Variants in PSG2 observed in about 807,000 individuals in gnomAD.
PSG2 encodes the protein pregnancy specific beta-1-glycoprotein 2.
Under a neutral mutation model 36.2 loss-of-function variants are expected in PSG2, and 49 were observed. That is an observed-to-expected ratio of 1.35 (90% confidence interval 1.08 to 1.72). The LOEUF is 1.72. Among genes scored for constraint, PSG2 ranks in the 40% most tolerant of loss-of-function variants. The probability of loss-of-function intolerance (pLI) is 0.00; values close to 1 mark genes in which losing one functional copy is unlikely to be tolerated. For synonymous variants in PSG2, 261 were observed against 155.6 expected (o/e 1.68, Z -5.04); for missense variants, 605 against 407.2 (o/e 1.49, Z -4.18).
intron 4 of PSG2, among the ~76,000 whole-genome samples, chr19:43,070,187 C>T (rs1967796362): frequency 6.6e-6 from 1 of 151,540 alleles, no homozygotes; most frequent in South Asian, 2.1e-4. Context: ...ACAATGACAG[C>T]AACACAAAAC....
chr19:43,074,586 C>A (rs1053490125), intron 3 of PSG2, among the ~76,000 whole-genome samples: 7 of 151,752 alleles, frequency 4.6e-5, no homozygotes, highest in Admixed American at 4.6e-4. Flanking sequence ...AACATATTCC[C>A]TGTCCTGGGG....
chr19:43,068,372 G>T (rs76077200), intron 4 of PSG2, among the ~76,000 whole-genome samples: 2 of 150,894 alleles, frequency 1.3e-5, no homozygotes, highest in African/African-American at 4.9e-5. Flanking sequence ...CCAGGAGGTT[G>T]AGGCTGCAGT....
chr19:43,065,135 T>A (rs1967723117), intron 5 of PSG2, among the ~76,000 whole-genome samples: 1 of 151,804 alleles, frequency 6.6e-6, no homozygotes, highest in Non-Finnish European at 1.5e-5. Flanking sequence ...GCGCTCAGCC[T>A]AGAATACTCA....
chr19:43,079,246 C>G (rs1036492856), intron 2 of PSG2, among the ~76,000 whole-genome samples: 4 of 151,384 alleles, frequency 2.6e-5, no homozygotes, highest in Admixed American at 2.6e-4. Context: ...GTCAGAGACC[C>G]CAGGGACCAG....
intron 3 of PSG2, among the ~76,000 whole-genome samples, chr19:43,074,464 A>G (rs1324286075): frequency 6.6e-6 from 1 of 151,726 alleles, no homozygotes; most frequent in East Asian, 1.9e-4. Context: ...GTTAATGTGA[A>G]TTGAATTTCT....
At chr19:43,066,897 A>C (rs760762581) in intron 4 of PSG2, among the ~76,000 whole-genome samples, 10 of 147,420 alleles carry the variant, frequency 6.8e-5, no homozygotes, top group African/African-American at 2.3e-4. Flanking sequence ...AACTTGCCAC[A>C]TTTTCACCTT....
intron 4 of PSG2, among the ~76,000 whole-genome samples, chr19:43,069,760 G>A (rs978624459): frequency 6.6e-6 from 1 of 151,610 alleles, no homozygotes; most frequent in Non-Finnish European, 1.5e-5. Context: ...TAGAAGAAAA[G>A]CTTCATGATG....
At chr19:43,079,580 G>A (rs1967942707) in intron 2 of PSG2, among the ~76,000 whole-genome samples, 1 of 151,606 alleles carries the variant, frequency 6.6e-6, no homozygotes, top group Non-Finnish European at 1.5e-5. Context: ...AGAAAACAAG[G>A]TCCTCTCCTT....
At position 43,080,968 on chromosome 19, in the gene PSG2, C is replaced by G. The variant is rs1426454803; in HGVS notation, c.343G>C (p.Glu115Gln). ...ASLLIQNVTR[E>Q]DAGSYTLHII... is the part of the protein sequence containing the mutation. The stretch of plus-strand genomic sequence containing the variant: ...TGTAAGGTGTAGGATCCTGCGTCCT[C>G]CCGGGTGACATTCTGGATCAGCAGG... The change falls in exon 2 of 6, where the codon GAG becomes CAG. Residue 115 changes from glutamate to glutamine, a missense_variant. Transcript: ENST00000406487. The G allele has an allele frequency of 6.2e-7, 1 of 1,613,084 alleles. No individual in the cohort carries two copies. Among genetic ancestry groups the G allele is most frequent in the Non-Finnish European group, 8.5e-7 (1 of 1,179,698 alleles).
chr19:43,072,499 G>T, intron 3 of PSG2: 3 of 1,611,246 alleles, frequency 1.9e-6, no homozygotes, highest in Non-Finnish European at 2.5e-6. Context: ...GACTGACCGG[G>T]AGGCTCTGAC....
In PSG2 at chr19:43,072,751, C is replaced by G. The variant is rs529437456; in HGVS notation, c.710-797G>C. On this transcript the variant is annotated intron_variant, in intron 3 of 5. Transcript: ENST00000406487. ...CACCTGAGTCCTTGAAAGCCAATAA[C>G]TGGTGTGTGTGTCACAAGACAGATG... is the stretch of plus-strand genomic sequence containing the variant. 326 of 1,509,922 alleles carry G rather than the reference C, an allele frequency of 2.2e-4. 6 individuals are homozygous for G. In the South Asian group the frequency reaches 3.9e-3, roughly 18 times the overall value. The allele number at this position is 1,509,922 out of a possible 1,614,324, so 93.5% of individuals were successfully genotyped here.
At chr19:43,078,847 G>A (rs1355665822) in intron 2 of PSG2, among the ~76,000 whole-genome samples, 2 of 151,610 alleles carry the variant, frequency 1.3e-5, no homozygotes, top group Non-Finnish European at 2.9e-5. Flanking sequence ...AAGAGTGGTT[G>A]GAGGGACTTC....
chr19:43,064,811 A>G (rs751756412), intron 5 of PSG2, among the ~76,000 whole-genome samples: 1 of 151,802 alleles, frequency 6.6e-6, no homozygotes, highest in East Asian at 1.9e-4. Context: ...CAGAAATTTC[A>G]TATAATTTTT....
In PSG2 at chr19:43,076,430, T is replaced by C. The variant is rs57776316; in HGVS notation, c.431-798A>G. On this transcript the variant is annotated intron_variant, in intron 2 of 5. Coordinates refer to ENST00000406487, the MANE Select transcript of PSG2 (RefSeq NM_031246.4). Reference sequence around the variant, plus strand: ...CGATGTGGACCTTTCTAGAAATACATGTGGATGTTTGCAAATGCGAAACTG... The same window carrying C: ...CGATGTGGACCTTTCTAGAAATACACGTGGATGTTTGCAAATGCGAAACTG... Among the ~76,000 whole-genome samples, 74 of 151,850 alleles carry C rather than the reference T, an allele frequency of 4.9e-4. 3 individuals carry two copies. Among genetic ancestry groups the C allele is most frequent in the African/African-American group, 1.7e-3 (71 of 41,234 alleles).
Position 43,079,579 on chromosome 19 carries a change from G to C in PSG2, c.430+1302C>G, listed in dbSNP as rs148103239. 4.9e-3 allele frequency among the ~76,000 whole-genome samples: 750 copies of C among 151,720 alleles called. 17 individuals are homozygous for C. Among genetic ancestry groups the C allele is most frequent in the Admixed American group, 8.0e-3 (122 of 15,274 alleles). ...GGGTGTGAGTGGGGAAAGAAAACAA[G>C]GTCCTCTCCTTGATCCTCTCATGAC... On this transcript the variant is annotated intron_variant, in intron 2 of 5. Coordinates refer to ENST00000406487, the MANE Select transcript of PSG2 (RefSeq NM_031246.4).
intron 5 of PSG2, 133 bp downstream of exon 5, chr19:43,066,384 A>C: frequency 1.4e-6 from 1 of 705,582 alleles, no homozygotes; most frequent in South Asian, 1.6e-5. Flanking sequence ...TGCAGGAATT[A>C]GTGCTGAGAA....
chr19:43,075,365 A>G lies in PSG2; in HGVS notation c.698T>C (p.Leu233Pro). 1.2e-6 allele frequency: 2 copies of G among 1,613,182 alleles called. No homozygotes were observed. The highest frequency in any genetic ancestry group is 1.7e-6 in the Non-Finnish European group (2 of 1,179,612). Residue 233 changes from leucine (L) to proline (P), a missense_variant, in exon 3 of 6, where the codon CTG (leucine) becomes CCG (proline). Coordinates refer to ENST00000406487, the MANE Select transcript of PSG2 (RefSeq NM_031246.4). ...GSASRSDPVT[L>P]NLLHGPDLPR... is the part of the protein sequence containing the mutation. ...CAGAAGATACTCACGGAGGAGATTC[A>G]GGGTGACTGGGTCACTGCGGCTGGC...
intron 4 of PSG2, among the ~76,000 whole-genome samples, chr19:43,068,428 A>C (rs1050601906): frequency 6.0e-5 from 9 of 149,188 alleles, no homozygotes; most frequent in South Asian, 4.2e-4. Context: ...TGGCCTACAG[A>C]GTGACAGCCT....
Position 43,075,389 on chromosome 19 carries a change from G to A in PSG2, c.674C>T (p.Ala225Val), listed in dbSNP as rs768739184. Reference protein sequence around the residue: ...YECEIRNSGSASRSDPVTLNL... With the variant: ...YECEIRNSGSVSRSDPVTLNL... The stretch of plus-strand genomic sequence containing the variant: ...CAGGGTGACTGGGTCACTGCGGCTG[G>A]CACTCCCTGAGTTCCGTATTTCACA... The change falls in exon 3 of 6, where the codon GCC becomes GTC. Residue 225 changes from alanine to valine, a missense_variant. By Grantham distance (64) the Ala-to-Val change is moderately conservative. Transcript: ENST00000406487. 37 of 1,613,074 alleles carry A rather than the reference G, an allele frequency of 2.3e-5. 1 individual carries two copies. Among genetic ancestry groups the A allele is most frequent in the Non-Finnish European group, 2.8e-5 (33 of 1,179,662 alleles).
Sources: gnomAD v4.1 joint callset for allele counts (sites outside exome capture counted in the v4.1 genomes callset) on GRCh38, gnomAD v4.1.1 for gene constraint, MANE v1.5 for transcripts, NCBI Gene and HGNC (gene_info 2026-07-23, HGNC 2026-07-21) for gene names.